Variants in SLC5A4 observed in about 807,000 individuals in gnomAD.
SLC5A4 encodes solute carrier family 5 member 4, also known as probable glucose sensor protein SLC5A4.
Under a neutral mutation model 70.3 loss-of-function variants are expected in SLC5A4, and 55 were observed. That is an observed-to-expected ratio of 0.78 (90% CI 0.63 to 0.98). The LOEUF (loss-of-function observed/expected upper bound fraction) is 0.98. SLC5A4 is among the 50% of genes least tolerant of loss of function. The pLI is 0.00. For synonymous variants in SLC5A4, 268 were observed against 305.7 expected (o/e 0.88, Z 1.29); for missense variants, 735 against 839.2 (o/e 0.88, Z 1.53).
chr22:32,280,512 C>G, the SLC5A4 span, among the ~76,000 whole-genome samples: 1 of 152,300 alleles, frequency 6.6e-6, no homozygotes, highest in South Asian at 2.1e-4. Context: ...CCCCCTCACC[C>G]TCTCCTGTGG....
the SLC5A4 span, among the ~76,000 whole-genome samples, chr22:32,281,169 A>C: frequency 3.3e-5 from 5 of 152,172 alleles, no homozygotes; most frequent in Non-Finnish European, 5.9e-5. Context: ...CTCCTCATTC[A>C]TGTCACGTCT....
At chr22:32,227,071 T>C (rs1925445465) in intron 11 of SLC5A4, among the ~76,000 whole-genome samples, 1 of 152,142 alleles carries the variant, frequency 6.6e-6, no homozygotes, top group Non-Finnish European at 1.5e-5. Flanking sequence ...TTCTAGCACC[T>C]CTGGTCACCT....
the SLC5A4 span, among the ~76,000 whole-genome samples, chr22:32,332,194 G>A: frequency 6.6e-6 from 1 of 152,156 alleles, no homozygotes; most frequent in Non-Finnish European, 1.5e-5. Context: ...AGTGCCTCCT[G>A]TCACTCTCCT....
the SLC5A4 span, among the ~76,000 whole-genome samples, chr22:32,333,202 C>CT: frequency 1.1e-4 from 17 of 148,832 alleles, no homozygotes; most frequent in African/African-American, 3.7e-4. Flanking sequence ...TGGCACCCCC[C>CT]CCCCAGAAGA....
At chr22:32,271,054 G>A in the SLC5A4 span, 15 of 572,724 alleles carry the variant, frequency 2.6e-5, no homozygotes, top group Admixed American at 1.6e-4. Context: ...GTGGGGATTT[G>A]GGATCCCTCT....
At chr22:32,248,565 C>A (rs1926962394) in intron 4 of SLC5A4, among the ~76,000 whole-genome samples, 178 bp downstream of exon 4, 2 of 152,126 alleles carry the variant, frequency 1.3e-5, no homozygotes, top group Admixed American at 6.5e-5. Context: ...GTTATATAAA[C>A]CCCTAATTTT....
the SLC5A4 span, among the ~76,000 whole-genome samples, chr22:32,315,127 C>G: frequency 6.6e-6 from 1 of 152,102 alleles, no homozygotes; most frequent in East Asian, 1.9e-4. Flanking sequence ...AAAGGATGAG[C>G]AGAAGCATAA....
chr22:32,275,772 G>T, the SLC5A4 span, among the ~76,000 whole-genome samples: 1 of 152,144 alleles, frequency 6.6e-6, no homozygotes, highest in Non-Finnish European at 1.5e-5. Flanking sequence ...TTCTAGTTTA[G>T]ATCCCTGAGG....
the SLC5A4 span, among the ~76,000 whole-genome samples, chr22:32,300,239 C>T: frequency 6.6e-6 from 1 of 151,076 alleles, no homozygotes; most frequent in Admixed American, 6.6e-5. Flanking sequence ...CAATGGGGGG[C>T]GCCCCTCCCC....
chr22:32,277,507 C>G, the SLC5A4 span, among the ~76,000 whole-genome samples: 9 of 152,116 alleles, frequency 5.9e-5, no homozygotes, highest in Non-Finnish European at 1.0e-4. Flanking sequence ...GTTCATCACT[C>G]TTGAATAACA....
chr22:32,248,148 A>T (rs1257983714), intron 4 of SLC5A4, among the ~76,000 whole-genome samples: 1 of 152,192 alleles, frequency 6.6e-6, no homozygotes. Flanking sequence ...AGGCCAGGTG[A>T]AGGGCAGGGA....
intron 3 of SLC5A4, among the ~76,000 whole-genome samples, chr22:32,250,989 A>G (rs946356158): frequency 6.6e-6 from 1 of 151,836 alleles, no homozygotes; most frequent in African/African-American, 2.4e-5. Flanking sequence ...AGAGCATTAG[A>G]ACAAATACCT....
chr22:32,349,904 C>A, the SLC5A4 span, among the ~76,000 whole-genome samples: 4 of 152,174 alleles, frequency 2.6e-5, no homozygotes, highest in African/African-American at 9.7e-5. Context: ...CTCTTTCCTT[C>A]ATAACCTTCT....
At chr22:32,322,663 C>A in the SLC5A4 span, among the ~76,000 whole-genome samples, 1 of 151,102 alleles carries the variant, frequency 6.6e-6, no homozygotes, top group Non-Finnish European at 1.5e-5. Context: ...AGGATGGGGG[C>A]TGCTTCCTGG....
upstream of SLC5A4, chr22:32,255,349 C>T (rs1927422452): frequency 6.2e-7 from 1 of 1,611,046 alleles, no homozygotes; most frequent in Non-Finnish European, 8.5e-7. Context: ...CAGTGCTATA[C>T]CCATTCCACG....
rs374584654 is a variant in SLC5A4, at chr22:32,234,825, CACAGACAG to C, written c.885+40_885+47del. Reference sequence around the variant, plus strand: ...ACAAGCACATGCACACATACAGACACACAGACAGACAGACAGACAGACAGACACACATA... The same window carrying C: ...ACAAGCACATGCACACATACAGACACACAGACAGACAGACAGACACACATA... On this transcript the variant is annotated intron_variant, in intron 8 of 14. Transcript: ENST00000266086. 71 of 1,348,032 alleles carry C rather than the reference CACAGACAG, an allele frequency of 5.3e-5. 1 individual carries two copies. The highest frequency in any genetic ancestry group is 7.2e-5 in the African/African-American group (5 of 69,468). 83.5% of individuals were successfully genotyped at this position (1,348,032 alleles called of 1,614,324 possible). A position where few individuals can be genotyped will look rare whatever the true frequency, so the allele number is the denominator to read the frequency against.
At chr22:32,278,451 T>G in the SLC5A4 span, among the ~76,000 whole-genome samples, 1 of 152,244 alleles carries the variant, frequency 6.6e-6, no homozygotes, top group Non-Finnish European at 1.5e-5. Context: ...TAATAGAATA[T>G]ATCCCTGTCT....
At chr22:32,248,854 T>C (rs1366304360) in intron 3 of SLC5A4, 52 bp from the exon 4 acceptor site, 1 of 1,254,476 alleles carries the variant, frequency 8.0e-7, no homozygotes, top group Non-Finnish European at 1.2e-6. Flanking sequence ...GCTTGGCTTG[T>C]GGACCTTCTC....
chr22:32,278,648 C>T, the SLC5A4 span, among the ~76,000 whole-genome samples: 1 of 152,044 alleles, frequency 6.6e-6, no homozygotes, highest in African/African-American at 2.4e-5. Flanking sequence ...TTAAAAAATA[C>T]TATATTCAAA....
Sources: gnomAD v4.1 joint callset for allele counts (sites outside exome capture counted in the v4.1 genomes callset) on GRCh38, gnomAD v4.1.1 for gene constraint, MANE v1.5 for transcripts, NCBI Gene and HGNC (gene_info 2026-07-23, HGNC 2026-07-21) for gene names.